GLYATL2: variants seen among roughly 807,000 people sequenced by gnomAD.
The protein encoded by GLYATL2 is glycine-N-acyltransferase like 2, also known as glycine N-acyltransferase-like protein 2.
In GLYATL2, 25 loss-of-function variants were observed where a neutral mutation model predicts 21.4. That is an observed-to-expected ratio of 1.17 (90% CI 0.85 to 1.63). GLYATL2 has a LOEUF of 1.63. Among genes scored for constraint, GLYATL2 ranks in the 40% most tolerant of loss-of-function variants. GLYATL2 has a pLI of 0.00. For missense variants in GLYATL2, 361 were observed against 343.3 expected (o/e 1.05, Z -0.41); for synonymous variants, 114 against 118.2 (o/e 0.96, Z 0.23).
At chr11:58,858,006 C>A (rs550215107) in intron 1 of GLYATL2, among the ~76,000 whole-genome samples, 21 of 151,658 alleles carry the variant, frequency 1.4e-4, no homozygotes, top group African/African-American at 5.1e-4. Context: ...TTAAAACATA[C>A]AAGGAAAGAA....
At chr11:58,875,790 G>T (rs1010904653) in intron 1 of GLYATL2, among the ~76,000 whole-genome samples, 2 of 152,176 alleles carry the variant, frequency 1.3e-5, no homozygotes, top group Non-Finnish European at 2.9e-5. Context: ...TTCTCGAGGA[G>T]TATATTTGTG....
At chr11:58,868,082 A>T (rs1051201396) in intron 1 of GLYATL2, among the ~76,000 whole-genome samples, 1 of 148,886 alleles carries the variant, frequency 6.7e-6, no homozygotes, top group African/African-American at 2.4e-5. Context: ...AGGAGCCTAC[A>T]GATGGGAGAG....
At chr11:58,854,849 G>A (rs574100769) in intron 1 of GLYATL2, among the ~76,000 whole-genome samples, 5 of 152,262 alleles carry the variant, frequency 3.3e-5, no homozygotes, top group South Asian at 2.1e-4. Flanking sequence ...TCTTCACCAC[G>A]AGTAGTTTCT....
chr11:58,875,141 G>A (rs1227883394), intron 1 of GLYATL2, among the ~76,000 whole-genome samples: 2 of 152,032 alleles, frequency 1.3e-5, no homozygotes, highest in African/African-American at 2.4e-5. Context: ...CCATTTGCTT[G>A]GTAGATCTTC....
In GLYATL2 at chr11:58,897,561, GCA is replaced by G. The variant is rs144292717; in HGVS notation, n.60+6593_60+6594del. On this transcript the variant is annotated intron_variant and non_coding_transcript_variant, in intron 1 of 4. Coordinates refer to the GLYATL2 transcript ENST00000533636. ...TGCCCCAACCAACACACACACGGAC[GCA>G]CACACACACATAAATGCACACACAC... Among the ~76,000 whole-genome samples the G allele has an allele frequency of 2.4e-4, 36 of 151,522 alleles. No homozygotes were observed. In the East Asian group the frequency reaches 5.0e-3, roughly 21 times the overall value.
intron 1 of GLYATL2, among the ~76,000 whole-genome samples, chr11:58,854,086 T>A (rs1853787498): frequency 6.6e-6 from 1 of 152,202 alleles, no homozygotes; most frequent in Non-Finnish European, 1.5e-5. Context: ...TTATTTTACT[T>A]AACATAATGT....
chr11:58,855,211 C>T (rs551175183), intron 1 of GLYATL2, among the ~76,000 whole-genome samples: 5 of 152,244 alleles, frequency 3.3e-5, no homozygotes, highest in Admixed American at 3.3e-4. Flanking sequence ...TGTATTGCAG[C>T]TATAGCCTTA....
At chr11:58,839,044 A>G (rs1484509603) in intron 2 of GLYATL2, among the ~76,000 whole-genome samples, 1 of 152,184 alleles carries the variant, frequency 6.6e-6, no homozygotes, top group Non-Finnish European at 1.5e-5. Flanking sequence ...TGCCTACTGA[A>G]CTGTGAGGGG....
chr11:58,869,986 T>C (rs1854089168), intron 1 of GLYATL2, among the ~76,000 whole-genome samples: 1 of 152,160 alleles, frequency 6.6e-6, no homozygotes, highest in Admixed American at 6.5e-5. Context: ...TTCATGCCTG[T>C]AGTCCCAGCT....
intron 1 of GLYATL2, among the ~76,000 whole-genome samples, chr11:58,886,623 C>T (rs1854445620): frequency 6.6e-6 from 1 of 152,152 alleles, no homozygotes; most frequent in African/African-American, 2.4e-5. Context: ...ATAGTATCTA[C>T]CAGAATTGGC....
intron 1 of GLYATL2, among the ~76,000 whole-genome samples, chr11:58,887,732 G>A (rs572940779): frequency 6.6e-6 from 1 of 152,300 alleles, no homozygotes; most frequent in South Asian, 2.1e-4. Flanking sequence ...TATTTAGGCA[G>A]TCATTCTCTT....
rs554561628 is a variant in GLYATL2 at position 58,871,275 on chromosome 11, A to AT, written n.60+32880dup. Among the ~76,000 whole-genome samples, 175 of 148,082 alleles carry AT rather than the reference A, an allele frequency of 1.2e-3. 1 individual carries two copies. Among genetic ancestry groups the AT allele is most frequent in the Admixed American group, 6.3e-3 (94 of 15,012 alleles). ...AGGTAGAATGATTTTATTTTATTTT[A>AT]TTTATTTATTTATTTATTATTATTA... is the stretch of plus-strand genomic sequence containing the variant. On this transcript the variant is annotated intron_variant and non_coding_transcript_variant, in intron 1 of 4. Transcript: ENST00000533636.
intron 1 of GLYATL2, chr11:58,893,012 G>T: frequency 3.1e-6 from 1 of 327,144 alleles, no homozygotes; most frequent in Non-Finnish European, 5.9e-6. Context: ...CAAGAGGAGT[G>T]CCTGGGATCT....
chr11:58,896,476 T>G (rs1388140759), intron 1 of GLYATL2, among the ~76,000 whole-genome samples: 6 of 152,206 alleles, frequency 3.9e-5, no homozygotes, highest in Admixed American at 3.9e-4. Context: ...CATCTTCAAT[T>G]TCCATAGTGT....
chr11:58,852,069 G>C (rs868290539), intron 1 of GLYATL2, among the ~76,000 whole-genome samples: 13 of 152,276 alleles, frequency 8.5e-5, no homozygotes, highest in Middle Eastern at 3.4e-3. Flanking sequence ...TATGTAAATT[G>C]GTAGATGATA....
Position 58,837,253 on chromosome 11 carries a change from T to C in GLYATL2, c.313+18A>G. The C allele has an allele frequency of 6.2e-7, 1 of 1,613,396 alleles. No homozygotes were observed. ...GGAATAAACCATGGATCTTTTTCTT[T>C]TAACTCAGACTAGTTACCTTGGATC... On this transcript the variant is annotated intron_variant, in intron 4 of 5. Transcript: ENST00000287275.
At chr11:58,856,866 A>C (rs598767) in intron 1 of GLYATL2, among the ~76,000 whole-genome samples, 135,007 of 152,196 alleles carry the variant, frequency 0.89, 61,044 homozygotes, top group Non-Finnish European at 0.98. Context: ...AAATGTAATA[A>C]AGACAGGAAG....
chr11:58,842,805 T>C (rs1287103468), intron 1 of GLYATL2, among the ~76,000 whole-genome samples: 1 of 152,286 alleles, frequency 6.6e-6, no homozygotes, highest in Non-Finnish European at 1.5e-5. Flanking sequence ...AGGTGCTCCT[T>C]ACAACTTTTG....
intron 1 of GLYATL2, among the ~76,000 whole-genome samples, chr11:58,856,782 A>T (rs190675221): frequency 6.6e-6 from 1 of 152,300 alleles, no homozygotes; most frequent in East Asian, 1.9e-4. Context: ...TAGCACCATC[A>T]AAACTCACTG....
Sources: allele counts gnomAD v4.1 joint callset (sites outside exome capture counted in the v4.1 genomes callset), GRCh38; gene constraint gnomAD v4.1.1; transcripts MANE v1.5; gene names NCBI Gene and HGNC (gene_info 2026-07-23, HGNC 2026-07-21).